Variants in PLB1 observed in about 807,000 individuals in gnomAD.
PLB1 encodes phospholipase B1, also known as phospholipase B1, membrane-associated.
In PLB1, 242 loss-of-function variants were observed where a neutral mutation model predicts 227.4. The ratio of observed to expected loss-of-function variants is 1.06; its 90% CI spans 0.96 to 1.18. PLB1 has a LOEUF of 1.18. PLB1 is among the 50% of genes most tolerant of loss of function. The probability of loss-of-function intolerance (pLI) is 0.00; values close to 1 mark genes in which losing one functional copy is unlikely to be tolerated. For missense variants in PLB1, 1,858 were observed against 1,816.3 expected, an observed-to-expected ratio of 1.02 and a Z score of -0.42; for synonymous variants, 757 against 682.2, an observed-to-expected ratio of 1.11 and a Z score of -1.71.
chr2:28,505,302 T>C (rs1233766233), intron 1 of PLB1, among the ~76,000 whole-genome samples: 3 of 152,292 alleles, frequency 2.0e-5, no homozygotes, highest in South Asian at 4.2e-4. Context: ...GAACCAAAAT[T>C]AGACTTTTAT....
Position 28,604,774 on chromosome 2 carries a change from C to T in PLB1, c.2961+15C>T, listed in dbSNP as rs761582155. ...CTGTCCTGGCGGTATGTCCCCTGCCCTCACCCATGGTACTCTTTTAGAGGA... is the reference window on the plus strand; with the variant it reads ...CTGTCCTGGCGGTATGTCCCCTGCCTTCACCCATGGTACTCTTTTAGAGGA... On this transcript the variant is annotated intron_variant, in intron 41 of 57. Transcript: ENST00000327757. The T allele has an allele frequency of 6.2e-7, 1 of 1,607,554 alleles. No individual in the cohort carries two copies. Among genetic ancestry groups the T allele is most frequent in the Non-Finnish European group, 8.5e-7 (1 of 1,174,896 alleles).
chr2:28,529,866 A>G (rs1270894829), intron 8 of PLB1, 87 bp downstream of exon 8: 1 of 1,288,942 alleles, frequency 7.8e-7, no homozygotes, highest in Non-Finnish European at 1.1e-6. Context: ...CCCTCGTACC[A>G]TTTTACCATG....
chr2:28,601,106 C>A, intron 36 of PLB1, 146 bp from the exon 37 acceptor site: 2 of 759,644 alleles, frequency 2.6e-6, no homozygotes, highest in Admixed American at 2.4e-5. Flanking sequence ...TATAAATAAA[C>A]CTCTAAAATT....
chr2:28,496,918 CAG>C (rs1666519744), intron 1 of PLB1, among the ~76,000 whole-genome samples: 1 of 152,164 alleles, frequency 6.6e-6, no homozygotes, highest in African/African-American at 2.4e-5. Context: ...CTTGACTCCC[CAG>C]AGAGAGTGGA....
chr2:28,637,785 A>G (rs530680378), intron 56 of PLB1, among the ~76,000 whole-genome samples: 1 of 151,966 alleles, frequency 6.6e-6, no homozygotes, highest in South Asian at 2.1e-4. Flanking sequence ...TGCCCACTCC[A>G]CCACTCAACT....
chr2:28,583,464 G>A (rs887073611), intron 25 of PLB1, among the ~76,000 whole-genome samples: 16 of 125,046 alleles, frequency 1.3e-4, no homozygotes, highest in African/African-American at 3.2e-4. Flanking sequence ...GATTACAGGC[G>A]TGAAGCCACC....
intron 23 of PLB1, among the ~76,000 whole-genome samples, chr2:28,580,780 TAC>T (rs1245850982): frequency 6.6e-6 from 1 of 151,346 alleles, no homozygotes; most frequent in African/African-American, 2.4e-5. Flanking sequence ...TGGAGAGATT[TAC>T]ACAGAGCAGG....
At chr2:28,527,758 T>TA (rs1670469409) in intron 6 of PLB1, among the ~76,000 whole-genome samples, 1 of 152,202 alleles carries the variant, frequency 6.6e-6, no homozygotes, top group African/African-American at 2.4e-5. Flanking sequence ...ACAGCAGACT[T>TA]AAAACAAAAT....
intron 43 of PLB1, among the ~76,000 whole-genome samples, chr2:28,611,062 C>T (rs1200342644): frequency 1.3e-5 from 2 of 151,924 alleles, no homozygotes; most frequent in Non-Finnish European, 2.9e-5. Context: ...CAATAAAACC[C>T]AATAAAACCC....
At chr2:28,550,525 A>G (rs1159289375) in intron 16 of PLB1, among the ~76,000 whole-genome samples, 6 of 132,212 alleles carry the variant, frequency 4.5e-5, no homozygotes, top group Non-Finnish European at 9.6e-5. Context: ...CCTCAATACA[A>G]TTTTTTTTTT....
chr2:28,519,002 G>T (rs1669175866), intron 3 of PLB1, among the ~76,000 whole-genome samples: 1 of 152,146 alleles, frequency 6.6e-6, no homozygotes, highest in African/African-American at 2.4e-5. Flanking sequence ...CTTGACTGGG[G>T]TTTCCAGTTA....
At position 28,602,861 on chromosome 2, in the gene PLB1, C is replaced by A. The variant is rs752887783; in HGVS notation, c.2714C>A (p.Pro905His). 1 of 1,614,178 alleles carries A rather than the reference C, an allele frequency of 6.2e-7. No homozygotes were observed. The highest frequency in any genetic ancestry group is 1.7e-5 in the Admixed American group (1 of 60,024). ...GTCAACCTCGTGGACTTCCTGAACCCCACTATCATGCGGCAGGTGTTCCTG... is the reference window on the plus strand; with the variant it reads ...GTCAACCTCGTGGACTTCCTGAACCACACTATCATGCGGCAGGTGTTCCTG... ...VLVNLVDFLNPTIMRQVFLGN... is the reference protein window; with the variant it reads ...VLVNLVDFLNHTIMRQVFLGN... The change falls in exon 39 of 58, where the codon CCC (proline) becomes CAC (histidine). Residue 905 changes from proline (P) to histidine (H), a missense_variant. Transcript: ENST00000327757.
chr2:28,595,003 C>T (rs10865503), intron 33 of PLB1: 41,080 of 151,902 alleles, frequency 0.27, 5,715 homozygotes, highest in South Asian at 0.31. Flanking sequence ...AAAAATCAAG[C>T]AGACGAACCA....
chr2:28,623,938 A>C (rs924223408), intron 49 of PLB1, among the ~76,000 whole-genome samples: 1 of 152,150 alleles, frequency 6.6e-6, no homozygotes, highest in Non-Finnish European at 1.5e-5. Context: ...TCTACCAAAA[A>C]TACAAAAAAT....
intron 21 of PLB1, among the ~76,000 whole-genome samples, chr2:28,576,837 A>G (rs1679039168): frequency 6.6e-6 from 1 of 152,234 alleles, no homozygotes; most frequent in Admixed American, 6.5e-5. Flanking sequence ...ATCAAGCCTC[A>G]AAAAGGTTAA....
At chr2:28,632,323 T>A (rs1044466756) in intron 55 of PLB1, among the ~76,000 whole-genome samples, 183 bp downstream of exon 55, 1 of 152,000 alleles carries the variant, frequency 6.6e-6, no homozygotes, top group Non-Finnish European at 1.5e-5. Context: ...GGAACTCAGA[T>A]GTACTTTGAA....
At chr2:28,538,867 G>A (rs1202135612) in intron 10 of PLB1, among the ~76,000 whole-genome samples, 3 of 152,060 alleles carry the variant, frequency 2.0e-5, no homozygotes, top group Admixed American at 6.5e-5. Context: ...GGTGGGAGGC[G>A]CCCCGCCCAC....
chr2:28,627,250 C>T (rs779376879), intron 51 of PLB1, among the ~76,000 whole-genome samples: 2 of 152,054 alleles, frequency 1.3e-5, no homozygotes, highest in Non-Finnish European at 2.9e-5. Context: ...AAACCTCTTC[C>T]CCTCAGTTCT....
chr2:28,592,166 G>A (rs1682073078), intron 31 of PLB1, among the ~76,000 whole-genome samples: 1 of 152,162 alleles, frequency 6.6e-6, no homozygotes, highest in Non-Finnish European at 1.5e-5. Flanking sequence ...AAGAGATGTG[G>A]GGGCAAGGAA....
Sources: gnomAD v4.1 joint callset for allele counts (sites outside exome capture counted in the v4.1 genomes callset) on GRCh38, gnomAD v4.1.1 for gene constraint, MANE v1.5 for transcripts, NCBI Gene and HGNC (gene_info 2026-07-23, HGNC 2026-07-21) for gene names.